The following MYT1L variants were observed in gnomAD, a reference collection of about 807,000 sequenced individuals.
MYT1L encodes myelin transcription factor 1-like protein.
MYT1L carries 12 observed loss-of-function variants against 126.7 expected under a neutral mutation model. That is an observed-to-expected ratio of 0.09 (90% CI 0.06 to 0.15). The LOEUF (loss-of-function observed/expected upper bound fraction) is 0.15. Among genes scored for constraint, MYT1L ranks in the 10% least tolerant of loss-of-function variants. The probability of loss-of-function intolerance (pLI) is 1.00; values close to 1 mark genes in which losing one functional copy is unlikely to be tolerated. For synonymous variants in MYT1L, 541 were observed against 604.2 expected (o/e 0.90, Z 1.53); for missense variants, 979 against 1,585.2 (o/e 0.62, Z 6.49).
intron 2 of MYT1L, among the ~76,000 whole-genome samples, chr2:2,200,307 A>C (rs565680500): frequency 6.6e-6 from 1 of 152,274 alleles, no homozygotes; most frequent in African/African-American, 2.4e-5. Context: ...GCACACAATT[A>C]CTAGGTTGGA....
chr2:2,217,669 T>TCAACAACAA (rs201935161), intron 2 of MYT1L, among the ~76,000 whole-genome samples: 23 of 92,210 alleles, frequency 2.5e-4, no homozygotes, highest in East Asian at 2.4e-3. Context: ...AAACTCCATC[T>TCAACAACAA]CAACAACAAC....
intron 11 of MYT1L, among the ~76,000 whole-genome samples, chr2:1,915,405 G>A (rs758008773): frequency 2.2e-4 from 33 of 152,186 alleles, no homozygotes; most frequent in Non-Finnish European, 4.3e-4. Flanking sequence ...ACCTGCAGCC[G>A]GCGCGAAGGG....
intron 10 of MYT1L, among the ~76,000 whole-genome samples, chr2:1,921,455 A>G (rs1160988700): frequency 6.6e-6 from 1 of 152,226 alleles, no homozygotes; most frequent in Non-Finnish European, 1.5e-5. Context: ...GTATACATAT[A>G]TATGTAAAGA....
chr2:1,998,415 A>G (rs1029708743), intron 4 of MYT1L, among the ~76,000 whole-genome samples: 7 of 152,200 alleles, frequency 4.6e-5, no homozygotes, highest in African/African-American at 1.4e-4. Flanking sequence ...GAGTCATAAT[A>G]GGGACATTTT....
intron 1 of MYT1L, chr2:2,303,672 A>G (rs981920512): frequency 6.6e-6 from 1 of 152,234 alleles, no homozygotes; most frequent in Non-Finnish European, 1.5e-5. Flanking sequence ...CGTGTTAAGA[A>G]CAATTCATTT....
At chr2:2,276,956 G>A (rs186886772) in intron 2 of MYT1L, among the ~76,000 whole-genome samples, 137 of 148,280 alleles carry the variant, frequency 9.2e-4, no homozygotes, top group Non-Finnish European at 1.8e-3. Context: ...TACTTCACCT[G>A]CTAACTTCCG....
At chr2:2,247,794 T>C (rs890123269) in intron 2 of MYT1L, among the ~76,000 whole-genome samples, 2 of 151,952 alleles carry the variant, frequency 1.3e-5, no homozygotes, top group Admixed American at 1.3e-4. Flanking sequence ...GTCCAATGAG[T>C]CAGTAAAGAA....
intron 19 of MYT1L, among the ~76,000 whole-genome samples, chr2:1,845,940 TC>T (rs2148464845): frequency 6.6e-6 from 1 of 152,272 alleles, no homozygotes; most frequent in Admixed American, 6.5e-5. Flanking sequence ...ACCCTCACCA[TC>T]CCTCATGCAG....
At chr2:1,824,727 GTC>G (rs1401993763) in intron 21 of MYT1L, 2 of 151,484 alleles carry the variant, frequency 1.3e-5, no homozygotes, top group East Asian at 3.9e-4. Context: ...TGCATATTGA[GTC>G]ATCCAGAGGA....
At chr2:2,133,866 C>T (rs1484514752) in intron 3 of MYT1L, among the ~76,000 whole-genome samples, 1 of 151,918 alleles carries the variant, frequency 6.6e-6, no homozygotes, top group East Asian at 1.9e-4. Flanking sequence ...CCTAATTGTA[C>T]AAATAAAGCA....
At position 1,801,703 on chromosome 2, in the gene MYT1L, C is replaced by T. The variant is rs1489188859; in HGVS notation, c.3269G>A (p.Arg1090Lys). The stretch of plus-strand genomic sequence containing the variant: ...GGCTTCAAAAACTGTTACCTGAGTT[C>T]TGAGTTTAATCATATCGGCTTCCAT... ...SQMEADMIKL[R>K]TQITTMESNL... Residue 1090 changes from arginine to lysine, a missense_variant, in exon 23 of 25, where the codon AGA becomes AAA. Arg to Lys is a conservative substitution (Grantham distance 26). Around this residue, in one of 12 missense-constraint regions of MYT1L, gnomAD observed 179 missense variants for 398.6 expected, o/e 0.45. Transcript: ENST00000647738. The surrounding 1 kb of genome is among the most constrained non-coding windows in gnomAD (Gnocchi z 4.2). 1 of 1,606,020 alleles carries T rather than the reference C, an allele frequency of 6.2e-7. No individual in the cohort carries two copies. Among genetic ancestry groups the T allele is most frequent in the Admixed American group, 1.7e-5 (1 of 59,108 alleles).
intron 3 of MYT1L, among the ~76,000 whole-genome samples, chr2:2,096,763 A>G (rs976825608): frequency 6.6e-6 from 1 of 152,058 alleles, no homozygotes; most frequent in African/African-American, 2.4e-5. Context: ...TGTGCCAGGC[A>G]CTCTGAGAAT....
At chr2:1,885,383 G>T (rs2048047354) in intron 18 of MYT1L, 1 of 152,670 alleles carries the variant, frequency 6.6e-6, no homozygotes, top group African/African-American at 2.4e-5. Flanking sequence ...AGCCCTCCAG[G>T]CGTTTACATT....
intron 3 of MYT1L, among the ~76,000 whole-genome samples, chr2:2,156,068 A>C (rs748353602): frequency 1.3e-5 from 2 of 152,166 alleles, no homozygotes; most frequent in Admixed American, 6.6e-5. Flanking sequence ...TGGATAAATA[A>C]ATTTTAAAAA....
rs114225787 is a variant in MYT1L, at chr2:2,123,350, C to T, written c.-304+49522G>A. Among the ~76,000 whole-genome samples the T allele has an allele frequency of 7.3e-3, 1,115 of 152,256 alleles. 16 individuals carry two copies. Among genetic ancestry groups the T allele is most frequent in the African/African-American group, 0.025 (1,053 of 41,544 alleles). On this transcript the variant is annotated intron_variant, in intron 3 of 24. Transcript: ENST00000647738. ...AGTATCTTACATGACACAGGAGACT[C>T]TGCAAGTGTCATTAAGTTAAAGTCC...
At position 2,217,879 on chromosome 2, in the gene MYT1L, A is replaced by T. The variant is rs967380194; in HGVS notation, c.-420-44891T>A. Among the ~76,000 whole-genome samples the T allele has an allele frequency of 2.0e-5, 3 of 152,182 alleles. No individual in the cohort carries two copies. In the East Asian group the frequency reaches 5.8e-4, roughly 29 times the overall value. On this transcript the variant is annotated intron_variant, in intron 2 of 24. Coordinates refer to ENST00000647738, the MANE Select transcript of MYT1L (RefSeq NM_001303052.2). ...GCTCTCGAAACTTAATGATAACAAG[A>T]TCAGCACCACATTTTTTAAAATGAG...
chr2:1,928,390 A>C (rs758320884), intron 9 of MYT1L, among the ~76,000 whole-genome samples: 1 of 152,170 alleles, frequency 6.6e-6, no homozygotes, highest in Non-Finnish European at 1.5e-5. Context: ...GACAGTACAG[A>C]ACCACAGAGG....
In MYT1L at chr2:1,956,611, TCTATCTATCTAC is replaced by T. The variant is rs1419896488; in HGVS notation, c.153-13289_153-13278del. Among the ~76,000 whole-genome samples the T allele has an allele frequency of 1.5e-3, 220 of 149,712 alleles. 1 individual carries two copies. Among genetic ancestry groups the T allele is most frequent in the African/African-American group, 2.0e-3 (80 of 40,894 alleles). On this transcript the variant is annotated intron_variant, in intron 8 of 24. Transcript: ENST00000647738. ...ATCTATCTATCTATCTATCTATCTA[TCTATCTATCTAC>T]CTACCTACCTATCTAGCTATCTATT...
Position 1,943,109 on chromosome 2 carries a change from C to T in MYT1L, c.378G>A (p.Glu126=), listed in dbSNP as rs2056839777. 1 of 1,476,948 alleles carries T rather than the reference C, an allele frequency of 6.8e-7. No individual in the cohort carries two copies. The highest frequency in any genetic ancestry group is 1.4e-5 in the African/African-American group (1 of 71,292). 91.5% of individuals were successfully genotyped at this position (1,476,948 alleles called of 1,614,324 possible). A position where few individuals can be genotyped will look rare whatever the true frequency, so the allele number is the denominator to read the frequency against. Residue 126 remains glutamate, a synonymous_variant, in exon 9 of 25, where the codon GAG becomes GAA. Coordinates refer to ENST00000647738, the MANE Select transcript of MYT1L (RefSeq NM_001303052.2). This position sits in a 1 kb window ranked among gnomAD's most constrained non-coding sequence, Gnocchi z 4.4. ...TCTCCTCCTCCTCCTCCCGGTCCCC[C>T]TCCTCGTCCTCCTCGTCCTCATCCC... The part of the protein sequence containing the change: ...EPGDEDEEDE[E]GDREEEEEIE...
Sources: allele counts gnomAD v4.1 joint callset (sites outside exome capture counted in the v4.1 genomes callset), GRCh38; gene constraint gnomAD v4.1.1; regional missense constraint gnomAD v4.1.1; non-coding constraint Gnocchi (gnomAD v3.1); transcripts MANE v1.5; gene names NCBI Gene and HGNC (gene_info 2026-07-23, HGNC 2026-07-21).